ANKRD6: variants seen among roughly 807,000 people sequenced by gnomAD.
The protein encoded by ANKRD6 is ankyrin repeat domain-containing protein 6.
In ANKRD6, 56 loss-of-function variants were observed where a neutral mutation model predicts 82.3. That is an observed-to-expected ratio of 0.68 (90% CI 0.55 to 0.85). The LOEUF (loss-of-function observed/expected upper bound fraction) is 0.85. Ranked by LOEUF, ANKRD6 falls within the 40% of genes least tolerant of loss-of-function variation. ANKRD6 has a pLI of 0.00. For synonymous variants in ANKRD6, 347 were observed against 352.1 expected, an observed-to-expected ratio of 0.99 and a Z score of 0.16; for missense variants, 852 against 907.6, an observed-to-expected ratio of 0.94 and a Z score of 0.79.
At chr6:89,607,655 CTT>C (rs10598205) in intron 5 of ANKRD6, among the ~76,000 whole-genome samples, 7 of 135,830 alleles carry the variant, frequency 5.2e-5, no homozygotes, top group African/African-American at 5.4e-5. Context: ...GGAGAAGAGA[CTT>C]TTTTTTTTTT....
intron 1 of ANKRD6, among the ~76,000 whole-genome samples, chr6:89,550,810 G>A (rs923332245): frequency 1.3e-5 from 2 of 152,118 alleles, no homozygotes; most frequent in African/African-American, 4.8e-5. Flanking sequence ...TCAAAAATTA[G>A]CAGGGCATGG....
chr6:89,555,184 C>T (rs1013161696), intron 1 of ANKRD6, among the ~76,000 whole-genome samples: 5 of 149,804 alleles, frequency 3.3e-5, no homozygotes, highest in East Asian at 2.0e-4. Flanking sequence ...TCAACTCTCC[C>T]GCTTGTCCTC....
intron 1 of ANKRD6, among the ~76,000 whole-genome samples, chr6:89,464,816 G>A (rs1774637429): frequency 2.0e-5 from 3 of 152,222 alleles, no homozygotes. Context: ...AATTCTCAGG[G>A]AATTGGGTGG....
chr6:89,439,705 T>G (rs1771119484), intron 1 of ANKRD6, among the ~76,000 whole-genome samples: 2 of 152,180 alleles, frequency 1.3e-5, no homozygotes, highest in South Asian at 4.1e-4. Flanking sequence ...ATTTTCTTTT[T>G]TTTCTTTTTC....
intron 1 of ANKRD6, among the ~76,000 whole-genome samples, chr6:89,487,107 G>A: frequency 6.6e-6 from 1 of 152,128 alleles, no homozygotes. Flanking sequence ...TATTAACTGG[G>A]CAAATTATTG....
At chr6:89,597,007 T>C (rs1271218716) in intron 3 of ANKRD6, among the ~76,000 whole-genome samples, 1 of 152,226 alleles carries the variant, frequency 6.6e-6, no homozygotes, top group Non-Finnish European at 1.5e-5. Context: ...TCTTCAGATA[T>C]GCTACAGTGT....
intron 1 of ANKRD6, among the ~76,000 whole-genome samples, chr6:89,461,050 G>A (rs912802956): frequency 1.9e-4 from 29 of 152,104 alleles, no homozygotes; most frequent in African/African-American, 7.0e-4. Context: ...ACAGGCATGT[G>A]CCATCATGCC....
intron 1 of ANKRD6, among the ~76,000 whole-genome samples, chr6:89,493,924 C>T (rs1187980309): frequency 1.3e-5 from 2 of 152,174 alleles, no homozygotes; most frequent in Non-Finnish European, 2.9e-5. Context: ...GTTCAACCCA[C>T]TACAATTGTT....
chr6:89,549,914 A>T (rs1271137369), intron 1 of ANKRD6, among the ~76,000 whole-genome samples: 2 of 136,548 alleles, frequency 1.5e-5, no homozygotes, highest in African/African-American at 5.1e-5. Flanking sequence ...GTGTCTCTTT[A>T]AAAAAAAGAA....
rs1349472666 is a variant in ANKRD6, at chr6:89,621,903, T to C, written c.793-19T>C. On this transcript the variant is annotated intron_variant, in intron 9 of 15. Transcript: ENST00000339746. ...CTGCGCACACCAGTGGTTGTAACAA[T>C]GCCGTTTGCCTCCTTCAGGTCTTGC... 1 of 1,611,686 alleles carries C rather than the reference T, an allele frequency of 6.2e-7. No homozygotes were observed. The highest frequency in any genetic ancestry group is 8.5e-7 in the Non-Finnish European group (1 of 1,178,016).
intron 1 of ANKRD6, among the ~76,000 whole-genome samples, chr6:89,560,566 A>G (rs893748302): frequency 4.6e-5 from 7 of 152,182 alleles, no homozygotes; most frequent in Non-Finnish European, 7.3e-5. Context: ...GCTCACGCCT[A>G]TAATCCCAGC....
chr6:89,460,767 G>GT (rs1158845492), intron 1 of ANKRD6, among the ~76,000 whole-genome samples: 21 of 151,844 alleles, frequency 1.4e-4, no homozygotes, highest in Middle Eastern at 6.8e-3. Flanking sequence ...TTTCTCTCAA[G>GT]TTTTTTTTAT....
chr6:89,465,963 A>G lies in ANKRD6; in HGVS notation c.-144+32588A>G, dbSNP rs191325429. Among the ~76,000 whole-genome samples the G allele has an allele frequency of 3.9e-3, 592 of 152,332 alleles. 1 individual carries two copies. The highest frequency in any genetic ancestry group is 6.3e-3 in the Non-Finnish European group (430 of 68,022). ...ATAAAGTACTTTGCCAGCAAAATTA[A>G]TACATATTCATTGTAGAAAAGCAGA... On this transcript the variant is annotated intron_variant, in intron 1 of 15. Coordinates refer to ENST00000339746, the MANE Select transcript of ANKRD6 (RefSeq NM_001242809.2).
chr6:89,608,626 C>T (rs1210709840), intron 5 of ANKRD6, among the ~76,000 whole-genome samples: 1 of 152,020 alleles, frequency 6.6e-6, no homozygotes, highest in Non-Finnish European at 1.5e-5. Context: ...TGGCTTTGCC[C>T]TCCGGTGAAA....
chr6:89,505,196 C>A (rs1458933454), intron 1 of ANKRD6, among the ~76,000 whole-genome samples: 3 of 152,188 alleles, frequency 2.0e-5, no homozygotes, highest in African/African-American at 7.2e-5. Context: ...CAGGGGCTGT[C>A]CTCCCGTATG....
intron 2 of ANKRD6, among the ~76,000 whole-genome samples, chr6:89,570,063 ATG>A (rs10651458): frequency 4.6e-4 from 68 of 148,854 alleles, no homozygotes; most frequent in South Asian, 1.1e-3. Flanking sequence ...ATGTGTGTAT[ATG>A]TGTGTGTGTG....
chr6:89,441,620 CTTTTTTTTTTTTTTTTTTT>C (rs71556522), intron 1 of ANKRD6, among the ~76,000 whole-genome samples: 1 of 80,470 alleles, frequency 1.2e-5, no homozygotes, highest in African/African-American at 5.1e-5. Flanking sequence ...CTTTTCTTTC[CTTTTTTTTTTTTTTTTTTT>C]TTTTTTTTGA....
intron 2 of ANKRD6, among the ~76,000 whole-genome samples, chr6:89,587,615 A>G (rs1426497237): frequency 1.3e-5 from 2 of 152,176 alleles, no homozygotes; most frequent in Admixed American, 6.5e-5. Context: ...TTACAGGGCC[A>G]TCCTAATACT....
intron 10 of ANKRD6, 85 bp downstream of exon 10, chr6:89,622,111 T>G: frequency 7.9e-7 from 1 of 1,272,200 alleles, no homozygotes; most frequent in Non-Finnish European, 1.1e-6. Flanking sequence ...CAGGTTCACC[T>G]GGTGGCTGCC....
Sources: gnomAD v4.1 joint callset for allele counts (sites outside exome capture counted in the v4.1 genomes callset) on GRCh38, gnomAD v4.1.1 for gene constraint, MANE v1.5 for transcripts, NCBI Gene and HGNC (gene_info 2026-07-23, HGNC 2026-07-21) for gene names.